Variants in ZIM2 observed in about 807,000 individuals in gnomAD.
ZIM2 encodes the protein zinc finger imprinted 2.
ZIM2 carries 14 observed loss-of-function variants against 38.6 expected under a neutral mutation model. The observed-to-expected ratio is 0.36, with a 90% CI of 0.24 to 0.57. The LOEUF (loss-of-function observed/expected upper bound fraction) is 0.57, where lower values mean the gene tolerates loss of function less well. ZIM2 is among the 20% of genes least tolerant of loss of function. The pLI is 0.81. For missense variants in ZIM2, 680 were observed against 695.1 expected (o/e 0.98, Z 0.24); for synonymous variants, 247 against 245.8 (o/e 1.00, Z -0.04).
chr19:56,786,959 C>G (rs964820791), intron 10 of ZIM2, among the ~76,000 whole-genome samples: 1 of 152,184 alleles, frequency 6.6e-6, no homozygotes, highest in African/African-American at 2.4e-5. Context: ...GCCTCAGCCT[C>G]CCAAGTAGCT....
intron 2 of ZIM2, chr19:56,833,257 C>G (rs2061751548): frequency 2.1e-6 from 1 of 473,258 alleles, no homozygotes. Flanking sequence ...CCATGGTGCA[C>G]CTAGATTCAG....
In ZIM2 at chr19:56,814,359, A is replaced by ATCTTCT; in HGVS notation, c.490+3381_490+3386dup. ...CTGCTGCTGCAGCTGCTGCTGCTTCATCTTCTTCTTCTTCTTCCAGATGAA... is the reference window on the plus strand; with the variant it reads ...CTGCTGCTGCAGCTGCTGCTGCTTCATCTTCTTCTTCTTCTTCTTCTTCCAGATGAA... On this transcript the variant is annotated intron_variant, in intron 9 of 12. Coordinates refer to ENST00000629319, the MANE Select transcript of ZIM2 (RefSeq NM_001387356.1). This position sits in a 1 kb window ranked among gnomAD's most constrained non-coding sequence, Gnocchi z 5.8. 6.2e-7 allele frequency: 1 copy of ATCTTCT among 1,613,174 alleles called. No individual in the cohort carries two copies. Among genetic ancestry groups the ATCTTCT allele is most frequent in the South Asian group, 1.1e-5 (1 of 91,058 alleles).
chr19:56,809,350 A>G (rs1326188259), intron 9 of ZIM2, among the ~76,000 whole-genome samples: 1 of 152,176 alleles, frequency 6.6e-6, no homozygotes, highest in African/African-American at 2.4e-5. Flanking sequence ...ACAAAATCCA[A>G]TCATGTGACA....
chr19:56,834,292 G>C (rs1213165239), intron 2 of ZIM2, among the ~76,000 whole-genome samples: 2 of 152,026 alleles, frequency 1.3e-5, no homozygotes, highest in East Asian at 3.9e-4. Flanking sequence ...GTTAGATAAG[G>C]GGCTTCCGAT....
Position 56,821,688 on chromosome 19 carries a change from T to G in ZIM2, c.257A>C (p.Asp86Ala). ...CTCATAAGCCCTGGAGTCCCTGTCGTCCTCTCTGTCCATTTCAAAGCTTGT... is the reference window on the plus strand; with the variant it reads ...CTCATAAGCCCTGGAGTCCCTGTCGGCCTCTCTGTCCATTTCAAAGCTTGT... Reference protein sequence around the residue: ...AKTSFEMDREDDRDSRAYESR... With the variant: ...AKTSFEMDREADRDSRAYESR... Residue 86 changes from aspartate to alanine, a missense_variant, in exon 7 of 13, where the codon GAC (aspartate) becomes GCC (alanine). By Grantham distance (126) the Asp-to-Ala change is moderately radical. Transcript: ENST00000629319. 1 of 1,613,856 alleles carries G rather than the reference T, an allele frequency of 6.2e-7. No individual in the cohort carries two copies. The highest frequency in any genetic ancestry group is 1.1e-5 in the South Asian group (1 of 91,056).
chr19:56,818,387 CTGTACA>C (rs1197658349), intron 8 of ZIM2, among the ~76,000 whole-genome samples: 1 of 152,176 alleles, frequency 6.6e-6, no homozygotes, highest in African/African-American at 2.4e-5. Context: ...TGTCCCCACC[CTGTACA>C]ATGTATCTTT....
chr19:56,813,469 A>C, intron 9 of ZIM2: 1 of 1,393,476 alleles, frequency 7.2e-7, no homozygotes, highest in East Asian at 2.6e-5. Context: ...CCACATGCAG[A>C]CACTGACATC....
chr19:56,830,634 A>T (rs2061486005), intron 2 of ZIM2, among the ~76,000 whole-genome samples: 1 of 152,254 alleles, frequency 6.6e-6, no homozygotes, highest in Non-Finnish European at 1.5e-5. Context: ...GGCAAGCATT[A>T]TTTTGAACTA....
At chr19:56,794,029 G>T (rs2047072810) in intron 9 of ZIM2, among the ~76,000 whole-genome samples, 1 of 152,118 alleles carries the variant, frequency 6.6e-6, no homozygotes, top group Non-Finnish European at 1.5e-5. Flanking sequence ...CACATTTGTG[G>T]TTTGTGCCCT....
At position 56,823,691 on chromosome 19, in the gene ZIM2, C is replaced by G. The variant is rs1439916001; in HGVS notation, c.17-12G>C. 3 of 1,614,110 alleles carry G rather than the reference C, an allele frequency of 1.9e-6. No individual in the cohort carries two copies. Among genetic ancestry groups the G allele is most frequent in the Non-Finnish European group, 2.5e-6 (3 of 1,179,970 alleles). On this transcript the variant is annotated splice_polypyrimidine_tract_variant and intron_variant, in intron 4 of 12. Transcript: ENST00000629319. ...ACTGTTGTTGTCGTCTAAGAGGACA[C>G]CGGTCGCCAAGTTACTATCTCTGGC...
At chr19:56,807,854 C>A (rs868568961) in intron 9 of ZIM2, among the ~76,000 whole-genome samples, 1 of 151,710 alleles carries the variant, frequency 6.6e-6, no homozygotes, top group South Asian at 2.1e-4. Context: ...TTGCAAGTAA[C>A]TTAAATTCAT....
chr19:56,836,305 T>C (rs552173452), intron 1 of ZIM2, among the ~76,000 whole-genome samples: 24 of 152,274 alleles, frequency 1.6e-4, no homozygotes, highest in Non-Finnish European at 2.5e-4. Flanking sequence ...GATGTACTCA[T>C]AGACTTTCTC....
chr19:56,838,978 C>A (rs904937766), intron 1 of ZIM2, among the ~76,000 whole-genome samples: 2 of 152,186 alleles, frequency 1.3e-5, no homozygotes, highest in Non-Finnish European at 2.9e-5. Flanking sequence ...TCAGCCTTGC[C>A]CCGCCGCATC....
chr19:56,818,864 C>T (rs766321582), intron 7 of ZIM2, among the ~76,000 whole-genome samples, 162 bp from the exon 8 acceptor site: 3 of 152,204 alleles, frequency 2.0e-5, no homozygotes, highest in Non-Finnish European at 4.4e-5. Context: ...TAGGGACCTA[C>T]GTCGTACCTA....
Position 56,814,000 on chromosome 19 carries a change from T to C in ZIM2, c.490+3746A>G, listed in dbSNP as rs375400963. 3.7e-6 allele frequency: 6 copies of C among 1,614,050 alleles called. No homozygotes were observed. In the African/African-American group the frequency reaches 8.0e-5, roughly 22 times the overall value. ...GTCTTCAATTCCCACACCGTCAGGC[T>C]CGTCGGCATCTCCCTCTGGCTCTTC... On this transcript the variant is annotated intron_variant, in intron 9 of 12. Coordinates refer to ENST00000629319, the MANE Select transcript of ZIM2 (RefSeq NM_001387356.1).
rs117804614 is a variant in ZIM2 at position 56,824,431 on chromosome 19, C to T, written c.-150-4G>A. The T allele has an allele frequency of 1.3e-3, 2,059 of 1,614,160 alleles. 41 individuals are homozygous for T. In the East Asian group the frequency reaches 0.037, roughly 29 times the overall value. ...CCTCCTTGGTGCGGGTCTCCGGCTG[C>T]AACCAATCGAGGCAGAGGTTTCGGA... On this transcript the variant is annotated splice_region_variant and splice_polypyrimidine_tract_variant and intron_variant, in intron 3 of 12. Transcript: ENST00000629319.
At chr19:56,807,114 A>G (rs1205597344) in intron 9 of ZIM2, among the ~76,000 whole-genome samples, 2 of 152,192 alleles carry the variant, frequency 1.3e-5, no homozygotes, top group Non-Finnish European at 2.9e-5. Context: ...CAATTATTGA[A>G]TGAATTAAGG....
chr19:56,824,784 G>T, intron 3 of ZIM2: 3 of 904,034 alleles, frequency 3.3e-6, no homozygotes, highest in South Asian at 3.5e-5. Flanking sequence ...AGAAGTTGAA[G>T]ACCAGGCAGC....
chr19:56,839,984 G>A (rs2062800074), intron 1 of ZIM2, among the ~76,000 whole-genome samples: 1 of 152,212 alleles, frequency 6.6e-6, no homozygotes, highest in Admixed American at 6.5e-5. Context: ...ACCCCTACAG[G>A]CAGGACAGCC....
Sources: gnomAD v4.1 joint callset for allele counts (sites outside exome capture counted in the v4.1 genomes callset) on GRCh38, gnomAD v4.1.1 for gene constraint, Gnocchi (gnomAD v3.1) non-coding constraint, MANE v1.5 for transcripts, NCBI Gene and HGNC (gene_info 2026-07-23, HGNC 2026-07-21) for gene names.